ARHGAP39: variants seen among roughly 807,000 people sequenced by gnomAD.
ARHGAP39 encodes the protein Rho GTPase activating protein 39, also known as rho GTPase-activating protein 39.
In ARHGAP39, 44 loss-of-function variants were observed where a neutral mutation model predicts 106.9. That is an observed-to-expected ratio of 0.41 (90% CI 0.32 to 0.53). The LOEUF (loss-of-function observed/expected upper bound fraction) is 0.53, where lower values mean the gene tolerates loss of function less well. Ranked by LOEUF, ARHGAP39 falls within the 20% of genes least tolerant of loss-of-function variation. The pLI is 0.21. For synonymous variants in ARHGAP39, 768 were observed against 693.2 expected, an observed-to-expected ratio of 1.11 and a Z score of -1.69; for missense variants, 1,496 against 1,577.3, an observed-to-expected ratio of 0.95 and a Z score of 0.87.
intron 4 of ARHGAP39, among the ~76,000 whole-genome samples, chr8:144,555,182 T>A (rs1817869650): frequency 6.6e-6 from 1 of 152,224 alleles, no homozygotes; most frequent in Admixed American, 6.5e-5. Context: ...AGCCCACCCC[T>A]CCACTGTGAT....
rs181300109 is a variant in ARHGAP39 at position 144,583,028 on chromosome 8, G to A, written c.81-1751C>T. 7.2e-4 allele frequency among the ~76,000 whole-genome samples: 109 copies of A among 152,216 alleles called. 2 individuals are homozygous for A. In the South Asian group the frequency reaches 0.015, roughly 21 times the overall value. On this transcript the variant is annotated intron_variant, in intron 2 of 11. Coordinates refer to ENST00000377307, the MANE Select transcript of ARHGAP39 (RefSeq NM_025251.3). Reference sequence around the variant, plus strand: ...CTGCATGTCTCGCCACACCCTTGGCGTACACACCCACTCCACCGTCCACCG... The same window carrying A: ...CTGCATGTCTCGCCACACCCTTGGCATACACACCCACTCCACCGTCCACCG...
At chr8:144,556,617 A>G (rs372936731) in intron 3 of ARHGAP39, among the ~76,000 whole-genome samples, 7 of 149,604 alleles carry the variant, frequency 4.7e-5, no homozygotes, top group East Asian at 2.0e-4. Flanking sequence ...CTGAACCTTC[A>G]TAGTATTCAG....
At chr8:144,657,746 G>C (rs1482583113) in intron 1 of ARHGAP39, among the ~76,000 whole-genome samples, 5 of 152,094 alleles carry the variant, frequency 3.3e-5, no homozygotes, top group Non-Finnish European at 7.4e-5. Flanking sequence ...AAACATATAA[G>C]CTTCGCAAAA....
At chr8:144,609,388 T>C (rs1490426549) in intron 1 of ARHGAP39, among the ~76,000 whole-genome samples, 2 of 151,322 alleles carry the variant, frequency 1.3e-5, no homozygotes, top group South Asian at 2.1e-4. Context: ...TTGGTCACGA[T>C]GTATTGTCCT....
chr8:144,663,942 G>A (rs543696596), intron 1 of ARHGAP39, among the ~76,000 whole-genome samples: 7 of 152,260 alleles, frequency 4.6e-5, no homozygotes, highest in South Asian at 2.1e-4. Flanking sequence ...TGAGACAGGC[G>A]GATCACTTGA....
In ARHGAP39 at chr8:144,585,742, C is replaced by T. The variant is rs1819158184; in HGVS notation, c.81-4465G>A. 6.6e-6 allele frequency among the ~76,000 whole-genome samples: 1 copy of T among 152,212 alleles called. No individual in the cohort carries two copies. The highest frequency in any genetic ancestry group is 1.5e-5 in the Non-Finnish European group (1 of 68,034). ...GGATGTCGCTGGTTGTGGCAGTCGG[C>T]TGTACACACCATGCTCTTAAATCTC... On this transcript the variant is annotated intron_variant, in intron 2 of 11. Coordinates refer to ENST00000377307, the MANE Select transcript of ARHGAP39 (RefSeq NM_025251.3). The surrounding 1 kb of genome is among the most constrained non-coding windows in gnomAD (Gnocchi z 4.6).
the ARHGAP39 span, among the ~76,000 whole-genome samples, chr8:144,696,647 T>A: frequency 3.3e-5 from 5 of 152,192 alleles, no homozygotes; most frequent in South Asian, 2.1e-4. Flanking sequence ...TTTAAAAAAA[T>A]TTTATTGTGG....
chr8:144,629,308 C>T (rs958020313), intron 1 of ARHGAP39, among the ~76,000 whole-genome samples: 1 of 152,228 alleles, frequency 6.6e-6, no homozygotes, highest in South Asian at 2.1e-4. Flanking sequence ...AGAGCAGACC[C>T]GCAGGCTCTA....
At position 144,585,905 on chromosome 8, in the gene ARHGAP39, A is replaced by ACAG. The variant is rs1819169505; in HGVS notation, c.81-4631_81-4629dup. 6.6e-6 allele frequency among the ~76,000 whole-genome samples: 1 copy of ACAG among 152,122 alleles called. No individual in the cohort carries two copies. Among genetic ancestry groups the ACAG allele is most frequent in the Non-Finnish European group, 1.5e-5 (1 of 68,008 alleles). On this transcript the variant is annotated intron_variant, in intron 2 of 11. Coordinates refer to ENST00000377307, the MANE Select transcript of ARHGAP39 (RefSeq NM_025251.3). This position sits in a 1 kb window ranked among gnomAD's most constrained non-coding sequence, Gnocchi z 4.6. Reference sequence around the variant, plus strand: ...CCCTGGAGCCGGCTCTCCCCGAGGGACAGATGGGGCATCCCTGCACCCCCA... The same window carrying ACAG: ...CCCTGGAGCCGGCTCTCCCCGAGGGACAGCAGATGGGGCATCCCTGCACCCCCA...
In ARHGAP39 at chr8:144,603,632, T is replaced by C. The variant is rs556195837; in HGVS notation, c.80+1903A>G. 6.0e-5 allele frequency among the ~76,000 whole-genome samples: 9 copies of C among 150,108 alleles called. No homozygotes were observed. In the East Asian group the frequency reaches 1.2e-3, roughly 20 times the overall value. On this transcript the variant is annotated intron_variant, in intron 2 of 11. Coordinates refer to ENST00000377307, the MANE Select transcript of ARHGAP39 (RefSeq NM_025251.3). ...TTCAACCCGGGAGGCGGAGCTTGCA[T>C]TGAGCTGAGATCACGCCACTGCACT... is the stretch of plus-strand genomic sequence containing the variant.
At chr8:144,650,293 T>G (rs912283458) in intron 1 of ARHGAP39, among the ~76,000 whole-genome samples, 1 of 152,096 alleles carries the variant, frequency 6.6e-6, no homozygotes, top group Non-Finnish European at 1.5e-5. Context: ...TAGGACCTGA[T>G]GGATTCACAG....
rs1817530650 is a variant in ARHGAP39, at chr8:144,547,970, C to T, written c.1116G>A (p.Val372=). 1.2e-6 allele frequency: 2 copies of T among 1,607,482 alleles called. No individual in the cohort carries two copies. The highest frequency in any genetic ancestry group is 8.5e-7 in the Non-Finnish European group (1 of 1,177,732). ...GCTCGGGACACTTCTGCTTGGTGAG[C>T]ACCAGCTGCTGGCAGGGCGAGGGGG... is the stretch of plus-strand genomic sequence containing the variant. ...QGPPSPCQQL[V]LTKQKCPERF... Residue 372 remains valine, a synonymous_variant, in exon 5 of 12, where the codon GTG becomes GTA. Coordinates refer to ENST00000377307, the MANE Select transcript of ARHGAP39 (RefSeq NM_025251.3). The surrounding 1 kb of genome is among the most constrained non-coding windows in gnomAD (Gnocchi z 5.2).
At chr8:144,640,215 GCA>G (rs1320462156) in intron 1 of ARHGAP39, among the ~76,000 whole-genome samples, 3 of 152,174 alleles carry the variant, frequency 2.0e-5, no homozygotes, top group Non-Finnish European at 2.9e-5. Flanking sequence ...TGGCTCAGTT[GCA>G]CACGGGGGAC....
chr8:144,599,352 G>A lies in ARHGAP39; in HGVS notation c.80+6183C>T, dbSNP rs150756878. Among the ~76,000 whole-genome samples, 303 of 152,360 alleles carry A rather than the reference G, an allele frequency of 2.0e-3. 1 individual carries two copies. Among genetic ancestry groups the A allele is most frequent in the African/African-American group, 6.9e-3 (287 of 41,580 alleles). ...GACAATCTCGATGGTCTGGGAGGCA[G>A]TGATGTCTAGGGGATGTTTTAAGTG... On this transcript the variant is annotated intron_variant, in intron 2 of 11. Coordinates refer to ENST00000377307, the MANE Select transcript of ARHGAP39 (RefSeq NM_025251.3).
intron 1 of ARHGAP39, among the ~76,000 whole-genome samples, chr8:144,611,339 G>A (rs1586613382): frequency 2.0e-5 from 3 of 152,292 alleles, no homozygotes; most frequent in Admixed American, 1.3e-4. Context: ...GGAAAAGAAC[G>A]TGCTGCCGGG....
chr8:144,552,018 AG>A (rs1232046429), intron 4 of ARHGAP39, among the ~76,000 whole-genome samples: 1 of 152,194 alleles, frequency 6.6e-6, no homozygotes, highest in African/African-American at 2.4e-5. Flanking sequence ...TCTGTAGGGC[AG>A]GGGCACCAGA....
intron 5 of ARHGAP39, 25 bp from the exon 6 acceptor site, chr8:144,545,835 C>A: frequency 7.3e-7 from 1 of 1,378,338 alleles, no homozygotes; most frequent in Non-Finnish European, 9.8e-7. Flanking sequence ...TGCGGCTGGG[C>A]TGTTGGGGGT....
intron 6 of ARHGAP39, among the ~76,000 whole-genome samples, chr8:144,538,306 G>T (rs541357955): frequency 6.6e-6 from 1 of 152,222 alleles, no homozygotes; most frequent in African/African-American, 2.4e-5. Context: ...TCTGCACAGC[G>T]TAACTCCGCA....
chr8:144,530,786 G>A lies in ARHGAP39; in HGVS notation c.3066C>T (p.Asp1022=), dbSNP rs873884. 883,650 of 1,610,808 alleles carry A rather than the reference G, an allele frequency of 0.55. 249,684 individuals carry two copies. The highest frequency in any genetic ancestry group is 0.61 in the Middle Eastern group (3,691 of 6,010). Residue 1022 remains aspartate, a synonymous_variant, in exon 11 of 12, where the codon GAC becomes GAT. Transcript: ENST00000377307. ...CCACGGCCACCGCCGCCTCGGGGCT[G>A]TCGTAGTGCGCGATGCACTGCTCGT... ...EFYEQCIAHY[D]SPEAAVAVVH...
Sources: gnomAD v4.1 joint callset for allele counts (sites outside exome capture counted in the v4.1 genomes callset) on GRCh38, gnomAD v4.1.1 for gene constraint, Gnocchi (gnomAD v3.1) non-coding constraint, MANE v1.5 for transcripts, NCBI Gene and HGNC (gene_info 2026-07-23, HGNC 2026-07-21) for gene names.